Variants in TTC28 observed in about 807,000 individuals in gnomAD.
TTC28 encodes the protein tetratricopeptide repeat protein 28.
TTC28 carries 61 observed loss-of-function variants against 198.0 expected under a neutral mutation model. The ratio of observed to expected loss-of-function variants is 0.31; its 90% CI spans 0.25 to 0.38. TTC28 has a LOEUF of 0.38. TTC28 is among the 10% of genes least tolerant of loss of function. The probability of loss-of-function intolerance (pLI) is 1.00; values close to 1 mark genes in which losing one functional copy is unlikely to be tolerated. For missense variants in TTC28, 2,678 were observed against 3,164.0 expected, an observed-to-expected ratio of 0.85 and a Z score of 3.69; for synonymous variants, 1,171 against 1,297.8, an observed-to-expected ratio of 0.90 and a Z score of 2.10.
chr22:28,148,221 G>A (rs903916173), intron 6 of TTC28, among the ~76,000 whole-genome samples: 1 of 152,186 alleles, frequency 6.6e-6, no homozygotes, highest in East Asian at 1.9e-4. Context: ...TAACTGTAAG[G>A]AGTAAAATTA....
intron 2 of TTC28, among the ~76,000 whole-genome samples, chr22:28,611,518 T>TTTA (rs1333541557): frequency 2.7e-5 from 4 of 150,174 alleles, no homozygotes; most frequent in African/African-American, 9.8e-5. Context: ...TTTTTTTTTT[T>TTTA]TTATTATACT....
At chr22:28,196,333 C>T (rs1334951898) in intron 5 of TTC28, among the ~76,000 whole-genome samples, 6 of 152,076 alleles carry the variant, frequency 3.9e-5, no homozygotes, top group Non-Finnish European at 7.4e-5. Context: ...ACCATAAAAA[C>T]CCTAGAAGAA....
Position 28,306,478 on chromosome 22 carries a change from T to A in TTC28, c.529+18A>T, listed in dbSNP as rs1232030443. On this transcript the variant is annotated intron_variant, in intron 3 of 22. Coordinates refer to ENST00000397906, the MANE Select transcript of TTC28 (RefSeq NM_001145418.2). ...TTCTTTAAATTAATGTTATACCAAG[T>A]ACTTTTATCATATTTACCTCTCATG... 3.2e-6 allele frequency: 5 copies of A among 1,544,824 alleles called. No individual in the cohort carries two copies. The highest frequency in any genetic ancestry group is 4.4e-6 in the Non-Finnish European group (5 of 1,145,092).
At chr22:28,262,870 GAGACTACC>G (rs1423876721) in intron 5 of TTC28, among the ~76,000 whole-genome samples, 1 of 152,146 alleles carries the variant, frequency 6.6e-6, no homozygotes, top group East Asian at 1.9e-4. Context: ...AGACCTTTAT[GAGACTACC>G]AGAGGTCCAA....
intron 2 of TTC28, among the ~76,000 whole-genome samples, chr22:28,468,926 T>A (rs1472032270): frequency 1.3e-5 from 2 of 152,202 alleles, no homozygotes; most frequent in Non-Finnish European, 2.9e-5. Context: ...TGTCTAATAC[T>A]AGTTGTTAGA....
intron 2 of TTC28, among the ~76,000 whole-genome samples, chr22:28,360,556 G>A (rs929767269): frequency 1.3e-5 from 2 of 151,912 alleles, no homozygotes; most frequent in South Asian, 2.1e-4. Flanking sequence ...TGAGTACAAC[G>A]GTATCCTTCT....
At chr22:28,368,609 CT>C (rs1372190051) in intron 2 of TTC28, among the ~76,000 whole-genome samples, 1 of 151,964 alleles carries the variant, frequency 6.6e-6, no homozygotes, top group Non-Finnish European at 1.5e-5. Flanking sequence ...ACAAATTAGC[CT>C]TGTTTGCAGA....
chr22:28,225,230 A>C (rs1031933831), intron 5 of TTC28, among the ~76,000 whole-genome samples: 1 of 151,806 alleles, frequency 6.6e-6, no homozygotes, highest in African/African-American at 2.4e-5. Context: ...TGGTGCATGC[A>C]TGTAGTCCCA....
chr22:28,039,479 T>C (rs561493978), intron 12 of TTC28, among the ~76,000 whole-genome samples: 3 of 146,606 alleles, frequency 2.0e-5, no homozygotes, highest in East Asian at 2.0e-4. Context: ...ATGAGAACAC[T>C]TGGACACAGG....
intron 2 of TTC28, among the ~76,000 whole-genome samples, chr22:28,313,758 C>A (rs1377214381): frequency 1.3e-5 from 2 of 152,214 alleles, no homozygotes; most frequent in Non-Finnish European, 2.9e-5. Flanking sequence ...CAATATCCTA[C>A]TGAATGGGCA....
chr22:28,388,850 T>C lies in TTC28; in HGVS notation c.382-82207A>G, dbSNP rs571760983. Among the ~76,000 whole-genome samples the C allele has an allele frequency of 7.2e-5, 11 of 152,312 alleles. 1 individual carries two copies. In the East Asian group the frequency reaches 1.7e-3, roughly 24 times the overall value. Reference sequence around the variant, plus strand: ...CCCTTTATTTCCTTCTCCTGCCTAATTGCCCTGGCCAGAACTTCCAACACT... The same window carrying C: ...CCCTTTATTTCCTTCTCCTGCCTAACTGCCCTGGCCAGAACTTCCAACACT... On this transcript the variant is annotated intron_variant, in intron 2 of 22. Coordinates refer to ENST00000397906, the MANE Select transcript of TTC28 (RefSeq NM_001145418.2).
chr22:28,405,350 C>T (rs1401383848), intron 2 of TTC28, among the ~76,000 whole-genome samples: 1 of 152,056 alleles, frequency 6.6e-6, no homozygotes, highest in African/African-American at 2.4e-5. Context: ...CTGAGCAAAC[C>T]ACAATGTGCA....
intron 2 of TTC28, among the ~76,000 whole-genome samples, chr22:28,340,238 G>C (rs569239179): frequency 2.0e-5 from 3 of 152,108 alleles, no homozygotes; most frequent in African/African-American, 7.2e-5. Flanking sequence ...TGAGGGGTTG[G>C]AGTAAGTGAC....
intron 1 of TTC28, among the ~76,000 whole-genome samples, chr22:28,663,486 A>T (rs2051787033): frequency 7.0e-6 from 1 of 143,184 alleles, no homozygotes; most frequent in Non-Finnish European, 1.5e-5. Context: ...CTCACCTGGG[A>T]AGCGCAAGGG....
chr22:28,038,444 G>A (rs1702921502), intron 12 of TTC28, among the ~76,000 whole-genome samples: 1 of 152,164 alleles, frequency 6.6e-6, no homozygotes, highest in South Asian at 2.1e-4. Context: ...AATAAATGGT[G>A]CTGGGAAAAC....
chr22:28,531,282 T>C (rs1476664623), intron 2 of TTC28, among the ~76,000 whole-genome samples: 2 of 152,112 alleles, frequency 1.3e-5, no homozygotes, highest in Non-Finnish European at 1.5e-5. Context: ...AAACAGACTT[T>C]AAATAAACAA....
At chr22:28,068,896 C>A (rs1268165896) in intron 12 of TTC28, among the ~76,000 whole-genome samples, 2 of 152,162 alleles carry the variant, frequency 1.3e-5, no homozygotes. Context: ...AAATTCACTA[C>A]AGTAAGATTA....
chr22:28,279,977 C>T (rs2044553196), intron 5 of TTC28, among the ~76,000 whole-genome samples: 1 of 152,192 alleles, frequency 6.6e-6, no homozygotes, highest in South Asian at 2.1e-4. Context: ...ACAGTTTTTA[C>T]ATCCATTCTT....
intron 13 of TTC28, 69 bp downstream of exon 13, chr22:28,030,157 G>A: frequency 8.6e-6 from 13 of 1,519,354 alleles, no homozygotes; most frequent in South Asian, 6.3e-5. Context: ...AGCATCCACT[G>A]AAAGCATATT....
Sources: gnomAD v4.1 joint callset for allele counts (sites outside exome capture counted in the v4.1 genomes callset) on GRCh38, gnomAD v4.1.1 for gene constraint, MANE v1.5 for transcripts, NCBI Gene and HGNC (gene_info 2026-07-23, HGNC 2026-07-21) for gene names.